The following RASAL2 variants were observed in gnomAD, a reference collection of about 807,000 sequenced individuals.
RASAL2 encodes ras GTPase-activating protein nGAP.
In RASAL2, 58 loss-of-function variants were observed where a neutral mutation model predicts 128.9. The ratio of observed to expected loss-of-function variants is 0.45; its 90% CI spans 0.36 to 0.56. The LOEUF (loss-of-function observed/expected upper bound fraction) is 0.56, where lower values mean the gene tolerates loss of function less well. Among genes scored for constraint, RASAL2 ranks in the 20% least tolerant of loss-of-function variants. RASAL2 has a pLI of 0.00. For synonymous variants in RASAL2, 561 were observed against 580.8 expected (o/e 0.97, Z 0.49); for missense variants, 1,360 against 1,601.6 (o/e 0.85, Z 2.57).
intron 1 of RASAL2, among the ~76,000 whole-genome samples, chr1:178,220,280 C>T (rs1317174146): frequency 2.6e-5 from 4 of 151,974 alleles, no homozygotes; most frequent in Non-Finnish European, 5.9e-5. Context: ...TCCTAATTTC[C>T]ACATCATCAT....
chr1:178,196,041 T>G (rs1662647866), intron 1 of RASAL2, among the ~76,000 whole-genome samples: 1 of 152,114 alleles, frequency 6.6e-6, no homozygotes, highest in Non-Finnish European at 1.5e-5. Flanking sequence ...TTTGAGGATA[T>G]TATATAATCC....
chr1:178,371,000 A>G (rs1331168341), intron 3 of RASAL2, among the ~76,000 whole-genome samples: 5 of 152,030 alleles, frequency 3.3e-5, no homozygotes, highest in Non-Finnish European at 5.9e-5. Flanking sequence ...ATACAGGGGA[A>G]AAAAAGCTCT....
At chr1:178,446,745 G>C (rs569317169) in intron 9 of RASAL2, among the ~76,000 whole-genome samples, 114 of 152,284 alleles carry the variant, frequency 7.5e-4, no homozygotes, top group African/African-American at 2.7e-3. Flanking sequence ...ATACCAAAAA[G>C]AGACATTCTG....
intron 4 of RASAL2, among the ~76,000 whole-genome samples, chr1:178,395,313 A>G (rs1356506656): frequency 2.6e-5 from 4 of 152,166 alleles, no homozygotes; most frequent in African/African-American, 9.7e-5. Context: ...ATAAAATATT[A>G]GGAACTCATT....
intron 13 of RASAL2, among the ~76,000 whole-genome samples, chr1:178,457,107 C>T (rs371283644): frequency 6.6e-6 from 1 of 152,118 alleles, no homozygotes; most frequent in African/African-American, 2.4e-5. Context: ...TAGAGAGTTA[C>T]AATATATTCC....
intron 3 of RASAL2, among the ~76,000 whole-genome samples, chr1:178,304,379 C>T (rs1033673345): frequency 1.2e-4 from 18 of 152,002 alleles, no homozygotes; most frequent in Admixed American, 4.6e-4. Flanking sequence ...AAAAATTAGC[C>T]AGGCATGGTG....
At chr1:178,095,024 T>C (rs1414520168) in intron 1 of RASAL2, among the ~76,000 whole-genome samples, 1 of 152,204 alleles carries the variant, frequency 6.6e-6, no homozygotes. Context: ...AAAAACTCCA[T>C]GAAACCAAGT....
In RASAL2 at chr1:178,457,709, G is replaced by A. The variant is rs1305198044; in HGVS notation, c.2417G>A (p.Ser806Asn). The A allele has an allele frequency of 6.2e-7, 1 of 1,613,970 alleles. No homozygotes were observed. The highest frequency in any genetic ancestry group is 1.1e-5 in the South Asian group (1 of 91,062). Residue 806 changes from serine to asparagine, a missense_variant, in exon 14 of 18, where the codon AGC (serine) becomes AAC (asparagine). Ser to Asn is a conservative substitution (Grantham distance 46). This residue lies in a region of RASAL2 where 741 missense variants were observed against 868.6 expected (regional missense o/e 0.85). Coordinates refer to ENST00000367649, the MANE Select transcript of RASAL2 (RefSeq NM_170692.4). Reference protein sequence around the residue: ...DSDLHKLKSPSQDNTDSYFRG... With the variant: ...DSDLHKLKSPNQDNTDSYFRG... Reference sequence around the variant, plus strand: ...GATTTGCATAAACTAAAATCTCCAAGCCAGGACAACACAGACAGCTACTTC... The same window carrying A: ...GATTTGCATAAACTAAAATCTCCAAACCAGGACAACACAGACAGCTACTTC...
intron 1 of RASAL2, among the ~76,000 whole-genome samples, chr1:178,216,351 G>A (rs1216008844): frequency 6.6e-6 from 1 of 152,142 alleles, no homozygotes; most frequent in East Asian, 1.9e-4. Flanking sequence ...AGAAATTTGT[G>A]ACATTTTATG....
At chr1:178,131,256 G>A (rs1660103588) in intron 1 of RASAL2, among the ~76,000 whole-genome samples, 1 of 151,886 alleles carries the variant, frequency 6.6e-6, no homozygotes, top group Non-Finnish European at 1.5e-5. Flanking sequence ...GCCCAGACTG[G>A]ACTGCAGTGG....
rs3214971 is a variant in RASAL2 at position 178,357,161 on chromosome 1, C to CT, written c.458-32938dup. 1.3e-3 allele frequency among the ~76,000 whole-genome samples: 198 copies of CT among 152,194 alleles called. 2 individuals are homozygous for CT. Among genetic ancestry groups the CT allele is most frequent in the Admixed American group, 7.0e-3 (107 of 15,282 alleles). The stretch of plus-strand genomic sequence containing the variant: ...AAATAGCCTTGCAAATTTGTTCAGC[C>CT]TGTCTTTTGCTATTTGAAGCTTTTA... On this transcript the variant is annotated intron_variant, in intron 3 of 17. Coordinates refer to ENST00000367649, the MANE Select transcript of RASAL2 (RefSeq NM_170692.4).
At chr1:178,402,279 T>TGGTG (rs1297271350) in intron 4 of RASAL2, among the ~76,000 whole-genome samples, 1 of 151,976 alleles carries the variant, frequency 6.6e-6, no homozygotes, top group Non-Finnish European at 1.5e-5. Context: ...TAGCCAGGTG[T>TGGTG]GGTGGCAGGC....
chr1:178,246,935 T>A (rs766921453), intron 1 of RASAL2, among the ~76,000 whole-genome samples: 77 of 152,202 alleles, frequency 5.1e-4, no homozygotes, highest in Non-Finnish European at 1.0e-3. Flanking sequence ...TTGTGGTGGA[T>A]AAGCTTTTCG....
At chr1:178,122,362 C>T (rs531690695) in intron 1 of RASAL2, among the ~76,000 whole-genome samples, 56 of 152,240 alleles carry the variant, frequency 3.7e-4, no homozygotes, top group African/African-American at 1.3e-3. Flanking sequence ...TTTGGGGATA[C>T]ACATTAAGTC....
At chr1:178,269,359 TC>T (rs2102165537) in intron 1 of RASAL2, among the ~76,000 whole-genome samples, 1 of 152,308 alleles carries the variant, frequency 6.6e-6, no homozygotes, top group African/African-American at 2.4e-5. Context: ...ACTAAGACAT[TC>T]CCCCATTTTG....
intron 1 of RASAL2, among the ~76,000 whole-genome samples, chr1:178,215,085 A>G (rs1440844510): frequency 6.6e-6 from 1 of 152,338 alleles, no homozygotes; most frequent in Middle Eastern, 3.4e-3. Flanking sequence ...TAAGTTCAGT[A>G]TTCCATGTGT....
chr1:178,246,683 G>T (rs1664779857), intron 1 of RASAL2, among the ~76,000 whole-genome samples: 1 of 152,088 alleles, frequency 6.6e-6, no homozygotes, highest in Non-Finnish European at 1.5e-5. Context: ...TGCCCATTCA[G>T]TATGATATTG....
Position 178,447,673 on chromosome 1 carries a change from TAAAAAA to T in RASAL2, c.1627+2034_1627+2039del, listed in dbSNP as rs60358768. On this transcript the variant is annotated intron_variant, in intron 9 of 17. Transcript: ENST00000367649. The stretch of plus-strand genomic sequence containing the variant: ...GAGACAAGAGCAAAACTCCTTCTCT[TAAAAAA>T]AAAAAAAAAAAAAAAAAAAAAAGCC... Among the ~76,000 whole-genome samples the T allele has an allele frequency of 2.9e-3, 165 of 56,038 alleles. 1 individual carries two copies. Among genetic ancestry groups the T allele is most frequent in the African/African-American group, 8.7e-3 (125 of 14,448 alleles). 36.8% of individuals were successfully genotyped at this position (56,038 alleles called of 152,430 possible). A position where few individuals can be genotyped will look rare whatever the true frequency, so the allele number is the denominator to read the frequency against.
At chr1:178,180,661 T>TCACACACA (rs1455344116) in intron 1 of RASAL2, among the ~76,000 whole-genome samples, 18 of 6,754 alleles carry the variant, frequency 2.7e-3, no homozygotes, top group East Asian at 9.2e-3. Context: ...AGCGAGACTG[T>TCACACACA]CTCACACACA....
Sources: allele counts gnomAD v4.1 joint callset (sites outside exome capture counted in the v4.1 genomes callset), GRCh38; gene constraint gnomAD v4.1.1; regional missense constraint gnomAD v4.1.1; transcripts MANE v1.5; gene names NCBI Gene and HGNC (gene_info 2026-07-23, HGNC 2026-07-21).